The following SASS6 variants were observed in gnomAD, a reference collection of about 807,000 sequenced individuals.
The protein encoded by SASS6 is spindle assembly abnormal protein 6 homolog.
A neutral mutation model predicts 94.9 loss-of-function variants in SASS6; 59 were observed. That is an observed-to-expected ratio of 0.62 (90% CI 0.50 to 0.77). The LOEUF (loss-of-function observed/expected upper bound fraction) is 0.77. Ranked by LOEUF, SASS6 falls within the 30% of genes least tolerant of loss-of-function variation. SASS6 has a pLI of 0.00. For synonymous variants in SASS6, 264 were observed against 270.0 expected (o/e 0.98, Z 0.22); for missense variants, 698 against 734.1 (o/e 0.95, Z 0.57).
At chr1:100,117,290 T>G (rs1363812110) in intron 7 of SASS6, among the ~76,000 whole-genome samples, 2 of 130,516 alleles carry the variant, frequency 1.5e-5, no homozygotes, top group African/African-American at 2.9e-5. Context: ...AAATTCTGTC[T>G]CAAAAAAAAA....
At chr1:100,096,474 T>C (rs540858857) in intron 14 of SASS6, among the ~76,000 whole-genome samples, 1 of 152,268 alleles carries the variant, frequency 6.6e-6, no homozygotes, top group African/African-American at 2.4e-5. Context: ...CAACCTGTGG[T>C]TGGACAGAGT....
intron 1 of SASS6, among the ~76,000 whole-genome samples, chr1:100,131,531 G>A (rs1156833852): frequency 2.6e-5 from 4 of 151,826 alleles, no homozygotes; most frequent in African/African-American, 7.3e-5. Flanking sequence ...AAAATCCAAC[G>A]TGCATTTTCA....
chr1:100,115,541 G>A (rs748683990), intron 7 of SASS6, among the ~76,000 whole-genome samples: 8 of 152,148 alleles, frequency 5.3e-5, no homozygotes, highest in Non-Finnish European at 7.3e-5. Flanking sequence ...ATGTGATAAA[G>A]GTAGTACCAG....
chr1:100,113,122 T>C (rs540778574), intron 7 of SASS6, among the ~76,000 whole-genome samples: 1 of 152,114 alleles, frequency 6.6e-6, no homozygotes, highest in South Asian at 2.1e-4. Context: ...CAAGGAGTAC[T>C]CCAAAATGAG....
intron 7 of SASS6, among the ~76,000 whole-genome samples, chr1:100,115,994 G>T (rs750888355): frequency 5.3e-5 from 8 of 152,058 alleles, no homozygotes; most frequent in Non-Finnish European, 1.2e-4. Context: ...GAATATAGGA[G>T]AATTTTTTCA....
chr1:100,105,965 T>G, intron 12 of SASS6, 62 bp from the exon 13 acceptor site: 1 of 1,087,312 alleles, frequency 9.2e-7, no homozygotes, highest in Non-Finnish European at 1.3e-6. Context: ...CTAATCATCT[T>G]AAACATTTAA....
intron 7 of SASS6, among the ~76,000 whole-genome samples, chr1:100,114,377 T>C (rs1343740615): frequency 6.6e-6 from 1 of 151,878 alleles, no homozygotes; most frequent in East Asian, 1.9e-4. Flanking sequence ...CAATGTCACT[T>C]ATGAATATAA....
chr1:100,108,885 A>G (rs148921113), intron 8 of SASS6, among the ~76,000 whole-genome samples: 1 of 152,222 alleles, frequency 6.6e-6, no homozygotes, highest in African/African-American at 2.4e-5. Flanking sequence ...TTTGGCTGGC[A>G]CACAGTAAAA....
At chr1:100,096,545 C>T (rs1274632147) in intron 14 of SASS6, among the ~76,000 whole-genome samples, 1 of 152,090 alleles carries the variant, frequency 6.6e-6, no homozygotes, top group Non-Finnish European at 1.5e-5. Context: ...AATTGCACTC[C>T]ATCAAATATT....
intron 7 of SASS6, among the ~76,000 whole-genome samples, chr1:100,114,050 T>A (rs1653603387): frequency 6.6e-6 from 1 of 151,664 alleles, no homozygotes. Flanking sequence ...ATGAAACACA[T>A]GGCTTTTTAA....
At chr1:100,121,584 A>C in intron 4 of SASS6, 35 bp from the exon 5 acceptor site, 1 of 1,243,518 alleles carries the variant, frequency 8.0e-7, no homozygotes, top group Non-Finnish European at 1.1e-6. Flanking sequence ...TAACACACTT[A>C]AGAGATAGTG....
intron 14 of SASS6, among the ~76,000 whole-genome samples, chr1:100,098,130 A>T (rs1210805429): frequency 6.6e-6 from 1 of 152,222 alleles, no homozygotes; most frequent in African/African-American, 2.4e-5. Context: ...ATTTTTAAAA[A>T]GGAAGTATAA....
At chr1:100,113,390 C>T (rs991399531) in intron 7 of SASS6, among the ~76,000 whole-genome samples, 4 of 151,928 alleles carry the variant, frequency 2.6e-5, no homozygotes, top group Admixed American at 6.5e-5. Flanking sequence ...GGGCGGATCA[C>T]GAGGTCAGGA....
At chr1:100,125,755 C>A in intron 2 of SASS6, 127 bp downstream of exon 2, 1 of 623,372 alleles carries the variant, frequency 1.6e-6, no homozygotes. Context: ...TGATTTCCAA[C>A]AGTTGCAAAA....
Position 100,106,009 on chromosome 1 carries a change from T to C in SASS6, c.1409-106A>G, listed in dbSNP as rs945741067. ...TTAAGATTTTTAAATTATAAGTTTTTACAACTACCTGACATCACAGGAGAG... is the reference window on the plus strand; with the variant it reads ...TTAAGATTTTTAAATTATAAGTTTTCACAACTACCTGACATCACAGGAGAG... On this transcript the variant is annotated intron_variant, in intron 12 of 16. Transcript: ENST00000287482. The C allele has an allele frequency of 9.2e-5, 68 of 740,500 alleles. No individual in the cohort carries two copies. The African/African-American group carries it at 1.2e-3, about 13-fold the overall frequency. 45.9% of individuals were successfully genotyped at this position (740,500 alleles called of 1,614,324 possible). A position where few individuals can be genotyped will look rare whatever the true frequency, so the allele number is the denominator to read the frequency against.
Position 100,102,980 on chromosome 1 carries a change from G to GT in SASS6, c.1648dup (p.Thr550AsnfsTer13). 1.9e-6 allele frequency: 3 copies of GT among 1,612,332 alleles called. No individual in the cohort carries two copies. Among genetic ancestry groups the GT allele is most frequent in the Non-Finnish European group, 2.5e-6 (3 of 1,178,870 alleles). ...CTTTGTTCCTGAACCAGGGTGGCTG[G>GT]TATTTTTGGCAGATATCGAATGAGG... On this transcript the variant is annotated frameshift_variant, in exon 14 of 17. Transcript: ENST00000287482. LOFTEE classifies it high-confidence loss of function.
intron 7 of SASS6, among the ~76,000 whole-genome samples, chr1:100,113,117 A>T (rs1432401406): frequency 6.6e-6 from 1 of 152,220 alleles, no homozygotes; most frequent in Non-Finnish European, 1.5e-5. Flanking sequence ...ATAGACAAGG[A>T]GTACTCCAAA....
intron 12 of SASS6, among the ~76,000 whole-genome samples, chr1:100,106,326 A>C (rs1652905547): frequency 1.3e-5 from 2 of 152,184 alleles, no homozygotes; most frequent in Admixed American, 1.3e-4. Flanking sequence ...AAAAGGAATA[A>C]TGAAGAATTT....
intron 7 of SASS6, among the ~76,000 whole-genome samples, chr1:100,112,429 C>G (rs1291511973): frequency 6.6e-6 from 1 of 151,866 alleles, no homozygotes; most frequent in Non-Finnish European, 1.5e-5. Context: ...AAAAAAGCTT[C>G]TACAAAGAAA....
Sources: allele counts gnomAD v4.1 joint callset (sites outside exome capture counted in the v4.1 genomes callset), GRCh38; gene constraint gnomAD v4.1.1; transcripts MANE v1.5; gene names NCBI Gene and HGNC (gene_info 2026-07-23, HGNC 2026-07-21).